The following PSD2 variants were observed in gnomAD, a reference collection of about 807,000 sequenced individuals.
PSD2 encodes pleckstrin and Sec7 domain containing 2.
PSD2 carries 38 observed loss-of-function variants against 69.8 expected under a neutral mutation model. The ratio of observed to expected loss-of-function variants is 0.54; its 90% CI spans 0.42 to 0.71. The LOEUF (loss-of-function observed/expected upper bound fraction) is 0.71. Among genes scored for constraint, PSD2 ranks in the 30% least tolerant of loss-of-function variants. The probability of loss-of-function intolerance (pLI) is 0.00; values close to 1 mark genes in which losing one functional copy is unlikely to be tolerated. For missense variants in PSD2, 943 were observed against 1,014.5 expected, an observed-to-expected ratio of 0.93 and a Z score of 0.96; for synonymous variants, 412 against 423.0, an observed-to-expected ratio of 0.97 and a Z score of 0.32.
the PSD2 span, among the ~76,000 whole-genome samples, chr5:139,766,333 G>A: frequency 2.6e-5 from 4 of 152,126 alleles, no homozygotes; most frequent in Non-Finnish European, 5.9e-5. Context: ...ACTTGTTGAT[G>A]GACCTACCCT....
chr5:139,817,636 A>G, intron 5 of PSD2, 75 bp downstream of exon 5: 3 of 1,276,308 alleles, frequency 2.4e-6, no homozygotes, highest in East Asian at 2.3e-5. Flanking sequence ...CAACTCTACC[A>G]TAAACTTGCT....
intron 2 of PSD2, among the ~76,000 whole-genome samples, chr5:139,812,973 A>T (rs918238857): frequency 1.3e-5 from 2 of 152,116 alleles, no homozygotes; most frequent in African/African-American, 4.8e-5. Context: ...GAGTGTTTCC[A>T]TCCAAGCAGG....
chr5:139,838,847 C>G, intron 13 of PSD2, 75 bp downstream of exon 13: 4 of 1,501,028 alleles, frequency 2.7e-6, no homozygotes, highest in Non-Finnish European at 3.7e-6. Context: ...AGCAGCCCCA[C>G]CCCAGCTCTG....
rs202188936 is a variant in PSD2 at position 139,836,959 on chromosome 5, G to T, written c.1552G>T (p.Val518Phe). 6.2e-7 allele frequency: 1 copy of T among 1,613,948 alleles called. No individual in the cohort carries two copies. The highest frequency in any genetic ancestry group is 8.5e-7 in the Non-Finnish European group (1 of 1,179,966). ...ALSATTYKHG[V>F]LTRKTHADMD... Reference sequence around the variant, plus strand: ...CAGTGCCACCACCTACAAGCACGGCGTCCTGACCCGGAAGACTCACGCTGA... The same window carrying T: ...CAGTGCCACCACCTACAAGCACGGCTTCCTGACCCGGAAGACTCACGCTGA... The change falls in exon 10 of 15, where the codon GTC becomes TTC. Residue 518 changes from valine (V) to phenylalanine (F), a missense_variant. Physicochemically the swap from Val to Phe is conservative, Grantham distance 50. This residue lies in a region of PSD2 where 312 missense variants were observed against 400.7 expected (regional missense o/e 0.78). Coordinates refer to ENST00000274710, the MANE Select transcript of PSD2 (RefSeq NM_032289.4).
the PSD2 span, among the ~76,000 whole-genome samples, chr5:139,754,130 C>T: frequency 2.0e-5 from 3 of 152,166 alleles, no homozygotes; most frequent in African/African-American, 4.8e-5. Flanking sequence ...GCCACTGCGC[C>T]GGACCAGAGT....
rs3797905 is a variant in PSD2 at position 139,842,809 on chromosome 5, A to G, written c.*335A>G. ...TGTCTTCCCAGGTCTTTCTCTTCTC[A>G]TCAAGCTCCTCTCCTCATCTTTTTT... On this transcript the variant is annotated 3_prime_UTR_variant, in exon 15 of 15. Coordinates refer to ENST00000274710, the MANE Select transcript of PSD2 (RefSeq NM_032289.4). The G allele has an allele frequency of 0.03, 7,021 of 235,964 alleles. 295 individuals are homozygous for G. Among genetic ancestry groups the G allele is most frequent in the African/African-American group, 0.1 (4,438 of 44,572 alleles). 14.6% of individuals were successfully genotyped at this position (235,964 alleles called of 1,614,324 possible).
chr5:139,801,635 C>A (rs950020553), intron 1 of PSD2, among the ~76,000 whole-genome samples: 5 of 152,152 alleles, frequency 3.3e-5, no homozygotes, highest in Non-Finnish European at 5.9e-5. Flanking sequence ...AGTCTTGTGG[C>A]TTTAAGTATC....
the PSD2 span, among the ~76,000 whole-genome samples, chr5:139,758,440 G>A: frequency 6.6e-6 from 1 of 152,100 alleles, no homozygotes; most frequent in African/African-American, 2.4e-5. Flanking sequence ...AAAGTGCTGC[G>A]GACCGTGCGG....
chr5:139,814,635 G>A lies in PSD2; in HGVS notation c.1016+271G>A, dbSNP rs1454568372. 6.6e-6 allele frequency among the ~76,000 whole-genome samples: 1 copy of A among 152,080 alleles called. No homozygotes were observed. The highest frequency in any genetic ancestry group is 2.4e-5 in the African/African-American group (1 of 41,416). On this transcript the variant is annotated intron_variant, in intron 4 of 14. Transcript: ENST00000274710. The surrounding 1 kb of genome is among the most constrained non-coding windows in gnomAD (Gnocchi z 4.4). ...CTGGGGGTGCGGGATGTGGGATGTG[G>A]TTATGGGGCCACGATGGATGTGAGG...
intron 14 of PSD2, among the ~76,000 whole-genome samples, chr5:139,841,052 C>T (rs952579624): frequency 3.9e-5 from 6 of 152,084 alleles, no homozygotes; most frequent in Non-Finnish European, 8.8e-5. Flanking sequence ...TCCCATTCTC[C>T]CCTCCCTCCA....
rs1561597402 is a variant in PSD2, at chr5:139,813,741, G to A, written c.804G>A (p.Lys268=). Reference sequence around the variant, plus strand: ...ATGATGATGAGGAGGACACGGACAAGTTGCTGAACTCAGCCAGGTGAGGCA... The same window carrying A: ...ATGATGATGAGGAGGACACGGACAAATTGCTGAACTCAGCCAGGTGAGGCA... ...DEDDDEEDTD[K]LLNSASDPSL... The change falls in exon 3 of 15, where the codon AAG becomes AAA. Residue 268 remains lysine, a synonymous_variant. Coordinates refer to ENST00000274710, the MANE Select transcript of PSD2 (RefSeq NM_032289.4). 1 of 1,604,864 alleles carries A rather than the reference G, an allele frequency of 6.2e-7. No individual in the cohort carries two copies. The highest frequency in any genetic ancestry group is 8.5e-7 in the Non-Finnish European group (1 of 1,173,860).
At chr5:139,827,189 A>C (rs1365573067) in intron 7 of PSD2, among the ~76,000 whole-genome samples, 1 of 152,152 alleles carries the variant, frequency 6.6e-6, no homozygotes, top group Non-Finnish European at 1.5e-5. Flanking sequence ...TAATGGGAAA[A>C]GGGTTTTGGA....
In PSD2 at chr5:139,837,691, G is replaced by A. The variant is rs949109972; in HGVS notation, c.1732G>A (p.Ala578Thr). 5.6e-6 allele frequency: 9 copies of A among 1,614,040 alleles called. No homozygotes were observed. The highest frequency in any genetic ancestry group is 1.7e-5 in the Admixed American group (1 of 60,006). The change falls in exon 12 of 15, where the codon GCT becomes ACT. Residue 578 changes from alanine (A) to threonine (T), a missense_variant. This residue lies in a region of PSD2 where 312 missense variants were observed against 400.7 expected (regional missense o/e 0.78). Coordinates refer to ENST00000274710, the MANE Select transcript of PSD2 (RefSeq NM_032289.4). This position sits in a 1 kb window ranked among gnomAD's most constrained non-coding sequence, Gnocchi z 5.0. ...DLKNAIRVHH[A>T]LATRASDYSK... ...GAAGAACGCCATTCGCGTGCATCAC[G>A]CTCTGGCCACCAGGGCCTCTGACTA...
the PSD2 span, among the ~76,000 whole-genome samples, chr5:139,762,390 T>A: frequency 6.6e-6 from 1 of 152,186 alleles, no homozygotes; most frequent in Non-Finnish European, 1.5e-5. Context: ...TTGCCCAGGC[T>A]GGAGTGCAGT....
At chr5:139,806,392 G>C (rs748681367) in intron 1 of PSD2, among the ~76,000 whole-genome samples, 3 of 152,222 alleles carry the variant, frequency 2.0e-5, no homozygotes, top group Non-Finnish European at 4.4e-5. Context: ...CTCATTCTGC[G>C]TCTCCAGCCC....
At chr5:139,794,755 C>G (rs1759478571), upstream of PSD2, among the ~76,000 whole-genome samples, 1 of 152,160 alleles carries the variant, frequency 6.6e-6, no homozygotes, top group Non-Finnish European at 1.5e-5. Flanking sequence ...ATCCTGATTT[C>G]CCTTCTCCCA....
At chr5:139,748,721 C>T in the PSD2 span, among the ~76,000 whole-genome samples, 5 of 152,260 alleles carry the variant, frequency 3.3e-5, no homozygotes, top group East Asian at 1.9e-4. Flanking sequence ...GCTGAGCCCC[C>T]GGCCCGTCCT....
the PSD2 span, chr5:139,773,061 A>T: frequency 6.6e-6 from 1 of 152,204 alleles, no homozygotes. Context: ...AAAATTTATC[A>T]TCTTAACCTT....
chr5:139,788,849 G>T, the PSD2 span, among the ~76,000 whole-genome samples: 1 of 152,202 alleles, frequency 6.6e-6, no homozygotes, highest in African/African-American at 2.4e-5. Flanking sequence ...CGTAGAGCTT[G>T]GGCAGTCTCC....
Sources: allele counts gnomAD v4.1 joint callset (sites outside exome capture counted in the v4.1 genomes callset), GRCh38; gene constraint gnomAD v4.1.1; regional missense constraint gnomAD v4.1.1; non-coding constraint Gnocchi (gnomAD v3.1); transcripts MANE v1.5; gene names NCBI Gene and HGNC (gene_info 2026-07-23, HGNC 2026-07-21).